PAX6: variants seen among roughly 807,000 people sequenced by gnomAD.
PAX6 encodes paired box 6.
In PAX6, 7 loss-of-function variants were observed where a neutral mutation model predicts 60.7. That is an observed-to-expected ratio of 0.12 (90% confidence interval 0.07 to 0.22). The LOEUF (loss-of-function observed/expected upper bound fraction) is 0.22. Among genes scored for constraint, PAX6 ranks in the 10% least tolerant of loss-of-function variants. The probability of loss-of-function intolerance (pLI) is 1.00; values close to 1 mark genes in which losing one functional copy is unlikely to be tolerated. For missense variants in PAX6, 355 were observed against 555.2 expected (o/e 0.64, Z 3.62); for synonymous variants, 208 against 201.2 (o/e 1.03, Z -0.29).
At chr11:31,805,455 C>T (rs776588897) in intron 4 of PAX6, 6 of 152,714 alleles carry the variant, frequency 3.9e-5, no homozygotes, top group Non-Finnish European at 7.3e-5. Context: ...TGGGGACCCT[C>T]CTTAAGCCTG....
At chr11:31,803,044 C>A in intron 4 of PAX6, 1 of 620,126 alleles carries the variant, frequency 1.6e-6, no homozygotes, top group Non-Finnish European at 2.9e-6. Flanking sequence ...GCGGTCAGTT[C>A]CCTGCTATCG....
chr11:31,790,356 G>A (rs758392610), intron 13 of PAX6: 3 of 909,560 alleles, frequency 3.3e-6, no homozygotes, highest in Non-Finnish European at 4.4e-6. Context: ...CCAGCAAAAG[G>A]TCTAGAGGAG....
intron 13 of PAX6, chr11:31,790,292 T>G: frequency 1.7e-6 from 1 of 601,910 alleles, no homozygotes; most frequent in East Asian, 4.1e-5. Flanking sequence ...TTTGCATGTT[T>G]GGAACTTTTA....
intron 8 of PAX6, 38 bp from the exon 9 acceptor site, chr11:31,794,826 A>G: frequency 6.2e-7 from 1 of 1,609,004 alleles, no homozygotes; most frequent in Non-Finnish European, 8.5e-7. Context: ...AGAAATTTGG[A>G]TTAACTTGGA....
chr11:31,814,295 A>T (rs1046045208), upstream of PAX6: 1 of 152,164 alleles, frequency 6.6e-6, no homozygotes, highest in African/African-American at 2.4e-5. Context: ...GCTTCTAGCC[A>T]GTATTGATGC....
At chr11:31,809,789 A>T (rs1179029317) in intron 2 of PAX6, 1 of 152,300 alleles carries the variant, frequency 6.6e-6, no homozygotes, top group Non-Finnish European at 1.5e-5. Context: ...CAAGAAAAAC[A>T]TAAGGGGATT....
chr11:31,795,270 T>G (rs1046097493), intron 8 of PAX6, among the ~76,000 whole-genome samples: 3 of 152,262 alleles, frequency 2.0e-5, no homozygotes, highest in African/African-American at 7.2e-5. Flanking sequence ...TTGTAATCTT[T>G]TTTAAAAAAT....
upstream of PAX6, among the ~76,000 whole-genome samples, chr11:31,815,586 C>A (rs1193460512): frequency 6.6e-6 from 1 of 152,068 alleles, no homozygotes; most frequent in Admixed American, 6.5e-5. Flanking sequence ...CGAAGCTAAG[C>A]GCATCCTGAC....
Position 31,789,317 on chromosome 11 carries a change from T to C in PAX6, c.*617A>G. 1 of 246,638 alleles carries C rather than the reference T, an allele frequency of 4.1e-6. No individual in the cohort carries two copies. Among genetic ancestry groups the C allele is most frequent in the Non-Finnish European group, 7.8e-6 (1 of 127,998 alleles). The allele number at this position is 246,638 out of a possible 1,614,324, so 15.3% of individuals were successfully genotyped here. A position where few individuals can be genotyped will look rare whatever the true frequency, so the allele number is the denominator to read the frequency against. ...TCGAAGACACACTCTACCTTTTAGC[T>C]ATCAACTTTTTTTCTTCCTTGAATT... On this transcript the variant is annotated 3_prime_UTR_variant, in exon 14 of 14. Coordinates refer to ENST00000640368, the MANE Select transcript of PAX6 (RefSeq NM_001368894.2).
chr11:31,790,489 C>T, intron 13 of PAX6: 1 of 985,258 alleles, frequency 1.0e-6, no homozygotes, highest in Non-Finnish European at 1.2e-6. Context: ...TCATACACAA[C>T]TTTTGTGACC....
chr11:31,811,521 C>T, upstream of PAX6: 1 of 277,952 alleles, frequency 3.6e-6, no homozygotes, highest in South Asian at 1.7e-4. Flanking sequence ...CGGGCTCTGG[C>T]GCTCGCCTGC....
chr11:31,800,483 C>G, intron 8 of PAX6: 1 of 700,392 alleles, frequency 1.4e-6, no homozygotes, highest in Non-Finnish European at 2.5e-6. Context: ...TCCTGACATA[C>G]ACAACCCTCA....
At chr11:31,794,423 CACACACACACACACACA>C (rs1565204595) in intron 9 of PAX6, 190 bp downstream of exon 9, 136 of 3,132 alleles carry the variant, frequency 0.043, no homozygotes, top group East Asian at 0.11. Flanking sequence ...ACACACACCA[CACACACACACACACACA>C]CACACACACA....
Position 31,801,738 on chromosome 11 carries a change from A to G in PAX6, c.222T>C (p.Tyr74=). 1 of 1,614,196 alleles carries G rather than the reference A, an allele frequency of 6.2e-7. No homozygotes were observed. Among genetic ancestry groups the G allele is most frequent in the Non-Finnish European group, 8.5e-7 (1 of 1,180,032 alleles). ...NGCVSKILGR[Y]YETGSIRPRA... is the part of the protein sequence containing the mutation. ...TGGGTCTGATGGAGCCAGTCTCGTA[A>G]TACCTGCCCAGAATTTTACTCACAC... Residue 74 remains tyrosine, a synonymous_variant, in exon 7 of 14, where the codon TAT becomes TAC. Transcript: ENST00000640368.
At chr11:31,811,705 C>G (rs542119202), upstream of PAX6, 1 of 153,826 alleles carries the variant, frequency 6.5e-6, no homozygotes, top group South Asian at 2.1e-4. Context: ...TTCTTGCCAA[C>G]TCCAGGACAG....
chr11:31,805,350 C>G (rs1156393631), intron 4 of PAX6: 1 of 152,356 alleles, frequency 6.6e-6, no homozygotes, highest in Non-Finnish European at 1.5e-5. Context: ...TCCCGCAAAG[C>G]TCGCCACCTT....
intron 2 of PAX6, among the ~76,000 whole-genome samples, 157 bp from the exon 3 acceptor site, chr11:31,807,082 T>G (rs762982355): frequency 1.2e-4 from 19 of 152,186 alleles, no homozygotes; most frequent in Non-Finnish European, 2.2e-4. Flanking sequence ...ACCCACATTT[T>G]CAGCGGCATC....
At chr11:31,805,541 T>A (rs1429277499) in intron 4 of PAX6, 1 of 152,626 alleles carries the variant, frequency 6.6e-6, no homozygotes, top group Non-Finnish European at 1.5e-5. Flanking sequence ...CCCGACGCCG[T>A]GTGCCTCAAC....
chr11:31,790,287 A>C, intron 13 of PAX6: 1 of 577,808 alleles, frequency 1.7e-6, no homozygotes, highest in Non-Finnish European at 2.7e-6. Context: ...GTTTGTTTGC[A>C]TGTTTGGAAC....
Sources: allele counts gnomAD v4.1 joint callset (sites outside exome capture counted in the v4.1 genomes callset), GRCh38; gene constraint gnomAD v4.1.1; transcripts MANE v1.5; gene names NCBI Gene and HGNC (gene_info 2026-07-23, HGNC 2026-07-21).